The following CAMKMT variants were observed in gnomAD, a reference collection of about 807,000 sequenced individuals.
CAMKMT encodes the protein CaM KMT.
A neutral mutation model predicts 48.0 loss-of-function variants in CAMKMT; 53 were observed. The observed-to-expected ratio is 1.10, with a 90% CI of 0.89 to 1.39. CAMKMT has a LOEUF of 1.39. CAMKMT is among the 40% of genes most tolerant of loss of function. CAMKMT has a pLI of 0.00. For synonymous variants in CAMKMT, 165 were observed against 152.3 expected (o/e 1.08, Z -0.61); for missense variants, 428 against 402.7 (o/e 1.06, Z -0.54).
chr2:44,728,796 C>CT (rs1412215401), intron 7 of CAMKMT, among the ~76,000 whole-genome samples: 2 of 112,858 alleles, frequency 1.8e-5, no homozygotes, highest in African/African-American at 6.7e-5. Flanking sequence ...TTATTTGTAT[C>CT]TTTTATTTCT....
chr2:44,533,003 G>A (rs545422014), intron 3 of CAMKMT, among the ~76,000 whole-genome samples: 3 of 151,472 alleles, frequency 2.0e-5, no homozygotes, highest in South Asian at 2.1e-4. Flanking sequence ...TAGTAGAGAC[G>A]GGGTTTCGTC....
At chr2:44,542,168 G>C (rs1364206602) in intron 3 of CAMKMT, among the ~76,000 whole-genome samples, 1 of 151,116 alleles carries the variant, frequency 6.6e-6, no homozygotes, top group Admixed American at 6.6e-5. Context: ...GTCTCTAACA[G>C]TATAGTCAGC....
chr2:44,654,617 G>C (rs1487128900), intron 3 of CAMKMT, among the ~76,000 whole-genome samples: 3 of 152,120 alleles, frequency 2.0e-5, no homozygotes, highest in African/African-American at 4.8e-5. Context: ...GGTTCAAGCA[G>C]TTCTTGTGTC....
chr2:44,772,329 C>G lies in CAMKMT; in HGVS notation c.*216C>G. The G allele has an allele frequency of 2.1e-6, 1 of 479,026 alleles. No individual in the cohort carries two copies. The highest frequency in any genetic ancestry group is 3.7e-6 in the Non-Finnish European group (1 of 269,800). 29.7% of individuals were successfully genotyped at this position (479,026 alleles called of 1,614,324 possible). ...TTTTACACTCTGCTTGTTGCTCGTC[C>G]TGCCCTAAACCTTTGTTTGTCTTTA... On this transcript the variant is annotated 3_prime_UTR_variant, in exon 11 of 11. Coordinates refer to ENST00000378494, the MANE Select transcript of CAMKMT (RefSeq NM_024766.5).
At chr2:44,389,700 G>A (rs954559333) in intron 2 of CAMKMT, among the ~76,000 whole-genome samples, 4 of 152,108 alleles carry the variant, frequency 2.6e-5, no homozygotes, top group South Asian at 2.1e-4. Context: ...TAACTGAAGC[G>A]GGATTAGAAT....
chr2:44,453,315 G>A (rs1270862203), intron 3 of CAMKMT, among the ~76,000 whole-genome samples: 2 of 152,006 alleles, frequency 1.3e-5, no homozygotes, highest in Non-Finnish European at 2.9e-5. Flanking sequence ...GTCATAAATG[G>A]AAAATATCTA....
chr2:44,635,218 A>G (rs1384076151), intron 3 of CAMKMT, among the ~76,000 whole-genome samples: 2 of 152,184 alleles, frequency 1.3e-5, no homozygotes, highest in Non-Finnish European at 1.5e-5. Flanking sequence ...TAAGGTGTCT[A>G]GATAAGGATA....
At chr2:44,740,660 G>C (rs1679628007) in intron 7 of CAMKMT, among the ~76,000 whole-genome samples, 1 of 152,216 alleles carries the variant, frequency 6.6e-6, no homozygotes, top group Non-Finnish European at 1.5e-5. Flanking sequence ...GAGGATGCTT[G>C]TGTGCTGTCT....
At chr2:44,725,722 A>G (rs1349266634) in intron 7 of CAMKMT, among the ~76,000 whole-genome samples, 1 of 152,224 alleles carries the variant, frequency 6.6e-6, no homozygotes, top group Non-Finnish European at 1.5e-5. Flanking sequence ...TGTGATAAAT[A>G]GAGAGAGGCT....
intron 3 of CAMKMT, among the ~76,000 whole-genome samples, chr2:44,560,647 A>C (rs1316547627): frequency 6.6e-6 from 1 of 152,168 alleles, no homozygotes; most frequent in African/African-American, 2.4e-5. Flanking sequence ...TTAATATCTA[A>C]TATTATATAG....
intron 3 of CAMKMT, among the ~76,000 whole-genome samples, chr2:44,552,589 T>G (rs779629552): frequency 1.3e-5 from 2 of 152,212 alleles, no homozygotes; most frequent in African/African-American, 4.8e-5. Flanking sequence ...ATATTTTCCA[T>G]TTATTGAGCA....
intron 3 of CAMKMT, chr2:44,631,472 T>A: frequency 1.7e-6 from 1 of 600,436 alleles, no homozygotes; most frequent in Non-Finnish European, 2.9e-6. Flanking sequence ...AAAAACAATT[T>A]TTTATTTTTT....
At chr2:44,466,708 A>C (rs1294958120) in intron 3 of CAMKMT, among the ~76,000 whole-genome samples, 2 of 152,194 alleles carry the variant, frequency 1.3e-5, no homozygotes, top group East Asian at 3.8e-4. Flanking sequence ...ATTTTAAAAA[A>C]TTAACAAAAC....
intron 6 of CAMKMT, among the ~76,000 whole-genome samples, chr2:44,708,821 G>T (rs1026043083): frequency 1.3e-5 from 2 of 152,044 alleles, no homozygotes; most frequent in Non-Finnish European, 2.9e-5. Flanking sequence ...TTTTTAGAGG[G>T]TGGGGGGAGC....
chr2:44,710,903 T>C (rs1485350252), intron 6 of CAMKMT, among the ~76,000 whole-genome samples: 2 of 152,208 alleles, frequency 1.3e-5, no homozygotes, highest in Admixed American at 6.5e-5. Flanking sequence ...AAAATTCCAA[T>C]GTTTGGTGAC....
chr2:44,616,779 C>G (rs1671917267), intron 3 of CAMKMT, among the ~76,000 whole-genome samples: 1 of 152,124 alleles, frequency 6.6e-6, no homozygotes, highest in African/African-American at 2.4e-5. Flanking sequence ...AGTTAAAAAC[C>G]TTGATCTACA....
At chr2:44,433,598 T>A (rs2104543209) in intron 3 of CAMKMT, among the ~76,000 whole-genome samples, 1 of 152,296 alleles carries the variant, frequency 6.6e-6, no homozygotes, top group South Asian at 2.1e-4. Context: ...TTGCCTTTGT[T>A]TCATGCAAAA....
At chr2:44,562,763 G>A (rs566157129) in intron 3 of CAMKMT, among the ~76,000 whole-genome samples, 34 of 152,294 alleles carry the variant, frequency 2.2e-4, no homozygotes, top group South Asian at 1.7e-3. Context: ...GTTTCAACAT[G>A]TTGGCCAGGC....
intron 3 of CAMKMT, among the ~76,000 whole-genome samples, chr2:44,646,000 C>G (rs548457394): frequency 1.3e-5 from 2 of 152,268 alleles, no homozygotes; most frequent in African/African-American, 4.8e-5. Context: ...CACTTATGAC[C>G]ATTATAACCC....
Sources: gnomAD v4.1 joint callset for allele counts (sites outside exome capture counted in the v4.1 genomes callset) on GRCh38, gnomAD v4.1.1 for gene constraint, MANE v1.5 for transcripts, NCBI Gene and HGNC (gene_info 2026-07-23, HGNC 2026-07-21) for gene names.